Variants in LINGO2 observed in about 807,000 individuals in gnomAD.
LINGO2 encodes leucine-rich repeat and immunoglobulin-like domain-containing nogo receptor-interacting protein 2.
A neutral mutation model predicts 30.6 loss-of-function variants in LINGO2; 14 were observed. That is an observed-to-expected ratio of 0.46 (90% CI 0.30 to 0.72). The LOEUF is 0.72. Among genes scored for constraint, LINGO2 ranks in the 30% least tolerant of loss-of-function variants. The probability of loss-of-function intolerance (pLI) is 0.07; values close to 1 mark genes in which losing one functional copy is unlikely to be tolerated. For missense variants in LINGO2, 729 were observed against 751.7 expected, an observed-to-expected ratio of 0.97 and a Z score of 0.35; for synonymous variants, 317 against 288.5, an observed-to-expected ratio of 1.10 and a Z score of -1.00.
At chr9:28,616,898 T>G (rs1826153369) in intron 1 of LINGO2, among the ~76,000 whole-genome samples, 4 of 152,230 alleles carry the variant, frequency 2.6e-5, no homozygotes, top group Admixed American at 2.6e-4. Flanking sequence ...CAAAAGACTC[T>G]TTCATCACAA....
At chr9:28,716,286 A>T in the LINGO2 span, among the ~76,000 whole-genome samples, 1 of 152,034 alleles carries the variant, frequency 6.6e-6, no homozygotes, top group South Asian at 2.1e-4. Context: ...CAAAGAGAAA[A>T]ATTAGAAAAA....
At chr9:28,809,771 A>ATGATTATGT in the LINGO2 span, among the ~76,000 whole-genome samples, 1 of 143,378 alleles carries the variant, frequency 7.0e-6, no homozygotes, top group Middle Eastern at 3.4e-3. Flanking sequence ...AAAAGCTTGG[A>ATGATTATGT]TGATTATGTC....
intron 1 of LINGO2, among the ~76,000 whole-genome samples, chr9:28,605,592 A>G (rs1825663904): frequency 6.6e-6 from 1 of 152,062 alleles, no homozygotes; most frequent in African/African-American, 2.4e-5. Flanking sequence ...ACACCAAGTA[A>G]CAAGGGAAGG....
intron 4 of LINGO2, among the ~76,000 whole-genome samples, chr9:28,146,512 G>A (rs1481387629): frequency 2.6e-5 from 4 of 151,704 alleles, no homozygotes; most frequent in East Asian, 1.9e-4. Context: ...TAAAGTAATC[G>A]ATTTTTTAGA....
intron 1 of LINGO2, among the ~76,000 whole-genome samples, chr9:28,556,210 C>A (rs1420205501): frequency 6.6e-6 from 1 of 152,006 alleles, no homozygotes; most frequent in Non-Finnish European, 1.5e-5. Context: ...CAAATTGTCC[C>A]TGTTTGCAGA....
At chr9:28,164,242 T>C (rs1363498696) in intron 4 of LINGO2, among the ~76,000 whole-genome samples, 2 of 152,194 alleles carry the variant, frequency 1.3e-5, no homozygotes, top group African/African-American at 4.8e-5. Context: ...CATGTTCTTT[T>C]ATTCAGTAAC....
At chr9:29,101,385 C>T in the LINGO2 span, among the ~76,000 whole-genome samples, 1 of 152,252 alleles carries the variant, frequency 6.6e-6, no homozygotes, top group East Asian at 1.9e-4. Context: ...GAATCATAGA[C>T]ATACAAATTT....
the LINGO2 span, among the ~76,000 whole-genome samples, chr9:28,771,051 T>G: frequency 6.6e-6 from 1 of 152,198 alleles, no homozygotes; most frequent in Non-Finnish European, 1.5e-5. Flanking sequence ...TATCCCCAAG[T>G]CTTACAAATT....
In LINGO2 at chr9:28,579,231, C is replaced by T. The variant is rs539720728; in HGVS notation, c.-365+90969G>A. The stretch of plus-strand genomic sequence containing the variant: ...ATTGTGAGTTTTCTTTTCCCTTATT[C>T]TAGGCCTCCACGTGAGGCTTTCACT... On this transcript the variant is annotated intron_variant, in intron 1 of 5. Transcript: ENST00000379992. Among the ~76,000 whole-genome samples the T allele has an allele frequency of 1.1e-4, 17 of 152,174 alleles. No homozygotes were observed. In the South Asian group the frequency reaches 3.1e-3, roughly 28 times the overall value.
the LINGO2 span, among the ~76,000 whole-genome samples, chr9:29,039,011 C>A: frequency 6.6e-6 from 1 of 152,100 alleles, no homozygotes; most frequent in African/African-American, 2.4e-5. Flanking sequence ...CTCAAATAAT[C>A]ATTAGTTACT....
intron 1 of LINGO2, among the ~76,000 whole-genome samples, chr9:28,603,313 C>A (rs1825565280): frequency 6.6e-6 from 1 of 151,972 alleles, no homozygotes; most frequent in African/African-American, 2.4e-5. Flanking sequence ...GTATTGTTAT[C>A]TTTGTCTGTC....
chr9:28,471,843 G>A lies in LINGO2; in HGVS notation c.-279+4097C>T, dbSNP rs78859775. 5.7e-4 allele frequency among the ~76,000 whole-genome samples: 87 copies of A among 152,240 alleles called. 2 individuals carry two copies. In the East Asian group the frequency reaches 0.016, roughly 28 times the overall value. ...CACATGTCCCAAAAGACATGTATAAGTATGTAAGGTCCAAAATCTGGTCAT... is the reference window on the plus strand; with the variant it reads ...CACATGTCCCAAAAGACATGTATAAATATGTAAGGTCCAAAATCTGGTCAT... On this transcript the variant is annotated intron_variant, in intron 2 of 5. Coordinates refer to ENST00000379992, the Ensembl canonical transcript of LINGO2.
chr9:28,821,486 T>C, the LINGO2 span, among the ~76,000 whole-genome samples: 32 of 152,246 alleles, frequency 2.1e-4, 2 homozygotes, highest in Middle Eastern at 0.017. Flanking sequence ...TCACGGAAAT[T>C]TGCAAAAATG....
At chr9:28,337,496 A>T (rs1048971537) in intron 3 of LINGO2, among the ~76,000 whole-genome samples, 3 of 152,208 alleles carry the variant, frequency 2.0e-5, no homozygotes, top group African/African-American at 7.2e-5. Flanking sequence ...GCCAAATTTT[A>T]TCACCAATAC....
chr9:28,453,159 A>G (rs1824714647), intron 2 of LINGO2, among the ~76,000 whole-genome samples: 3 of 151,916 alleles, frequency 2.0e-5, no homozygotes, highest in Non-Finnish European at 4.4e-5. Context: ...ATATTTTCCC[A>G]GCATTTTCTG....
At chr9:29,165,637 A>C in the LINGO2 span, among the ~76,000 whole-genome samples, 1 of 152,146 alleles carries the variant, frequency 6.6e-6, no homozygotes, top group African/African-American at 2.4e-5. Flanking sequence ...TAGGAGAAGA[A>C]ACTTGAATTG....
intron 1 of LINGO2, among the ~76,000 whole-genome samples, chr9:28,477,674 T>C (rs77507779): frequency 0.16 from 24,353 of 152,154 alleles, 2,471 homozygotes; most frequent in Non-Finnish European, 0.21. Flanking sequence ...GAAGCTACCA[T>C]CATCTATCCC....
the LINGO2 span, among the ~76,000 whole-genome samples, chr9:28,782,335 G>A: frequency 1.3e-5 from 2 of 152,154 alleles, no homozygotes; most frequent in African/African-American, 4.8e-5. Flanking sequence ...AAACCAAAAT[G>A]TCAGTGCCTT....
the LINGO2 span, among the ~76,000 whole-genome samples, chr9:28,783,949 T>A: frequency 6.6e-6 from 1 of 152,130 alleles, no homozygotes. Context: ...TGTTCTCTTC[T>A]CCCCTTATAA....
Sources: allele counts gnomAD v4.1 joint callset (sites outside exome capture counted in the v4.1 genomes callset), GRCh38; gene constraint gnomAD v4.1.1; transcripts MANE v1.5; gene names NCBI Gene and HGNC (gene_info 2026-07-23, HGNC 2026-07-21).